ZNF804A: variants seen among roughly 807,000 people sequenced by gnomAD.
ZNF804A encodes the protein zinc finger protein 804A.
Under a neutral mutation model 16.5 loss-of-function variants are expected in ZNF804A, and 2 were observed. That is an observed-to-expected ratio of 0.12 (90% CI 0.05 to 0.38). The LOEUF is 0.38. Ranked by LOEUF, ZNF804A falls within the 10% of genes least tolerant of loss-of-function variation. The pLI is 0.99. For missense variants in ZNF804A, 1,473 were observed against 1,390.7 expected, an observed-to-expected ratio of 1.06 and a Z score of -0.94; for synonymous variants, 534 against 489.6, an observed-to-expected ratio of 1.09 and a Z score of -1.20.
chr2:184,929,112 C>T (rs187665044), intron 2 of ZNF804A, among the ~76,000 whole-genome samples: 3 of 152,268 alleles, frequency 2.0e-5, no homozygotes, highest in South Asian at 2.1e-4. Flanking sequence ...ATTCTACCAT[C>T]TAGCCTCTCC....
intron 3 of ZNF804A, among the ~76,000 whole-genome samples, chr2:184,934,011 C>T (rs1404442833): frequency 2.6e-5 from 4 of 152,018 alleles, no homozygotes; most frequent in Admixed American, 2.0e-4. Context: ...TTGAAAGCTA[C>T]CCCATTTCTT....
At chr2:184,847,169 G>C (rs1695532614) in intron 1 of ZNF804A, among the ~76,000 whole-genome samples, 2 of 152,054 alleles carry the variant, frequency 1.3e-5, no homozygotes, top group African/African-American at 4.8e-5. Context: ...ACTCAATTTA[G>C]CTCGCCAGAG....
At chr2:184,746,062 A>G (rs1693785651) in intron 1 of ZNF804A, among the ~76,000 whole-genome samples, 1 of 151,354 alleles carries the variant, frequency 6.6e-6, no homozygotes, top group Non-Finnish European at 1.5e-5. Context: ...TTTTTTTCAC[A>G]TTTTTCCAAT....
At chr2:184,851,843 A>C (rs1360288635) in intron 1 of ZNF804A, among the ~76,000 whole-genome samples, 1 of 151,612 alleles carries the variant, frequency 6.6e-6, no homozygotes, top group Admixed American at 6.6e-5. Flanking sequence ...ACTTGTCAAC[A>C]CTTGCTATCT....
At chr2:184,616,440 A>G (rs1691320506) in intron 1 of ZNF804A, among the ~76,000 whole-genome samples, 2 of 152,182 alleles carry the variant, frequency 1.3e-5, no homozygotes, top group Admixed American at 1.3e-4. Context: ...GCATTGTTGT[A>G]AAGATTAAAT....
intron 2 of ZNF804A, among the ~76,000 whole-genome samples, chr2:184,876,353 G>A (rs750465179): frequency 4.6e-5 from 7 of 151,776 alleles, no homozygotes; most frequent in South Asian, 2.1e-4. Flanking sequence ...AAGGTAATGC[G>A]CAATACAATC....
chr2:184,746,010 AT>A (rs1303945811), intron 1 of ZNF804A, among the ~76,000 whole-genome samples: 1 of 151,540 alleles, frequency 6.6e-6, no homozygotes, highest in Non-Finnish European at 1.5e-5. Flanking sequence ...ATTAAGCTTT[AT>A]TTTTTCCCCT....
chr2:184,615,743 C>T (rs1310517678), intron 1 of ZNF804A, among the ~76,000 whole-genome samples: 1 of 152,040 alleles, frequency 6.6e-6, no homozygotes, highest in Non-Finnish European at 1.5e-5. Flanking sequence ...CACTTTCTGG[C>T]AAGTTAAGTT....
At chr2:184,806,042 T>C (rs1694796295) in intron 1 of ZNF804A, among the ~76,000 whole-genome samples, 1 of 151,950 alleles carries the variant, frequency 6.6e-6, no homozygotes, top group South Asian at 2.1e-4. Flanking sequence ...GACAAATTTA[T>C]ATCAAAGGAA....
intron 2 of ZNF804A, among the ~76,000 whole-genome samples, chr2:184,922,275 CT>C (rs1429285666): frequency 2.0e-5 from 3 of 152,012 alleles, no homozygotes; most frequent in Non-Finnish European, 4.4e-5. Context: ...TATTGCTTAT[CT>C]TTTGGATAAA....
intron 2 of ZNF804A, among the ~76,000 whole-genome samples, chr2:184,871,859 C>G (rs548105439): frequency 6.6e-6 from 1 of 151,970 alleles, no homozygotes; most frequent in African/African-American, 2.4e-5. Flanking sequence ...TCAAGAATTA[C>G]TCAGACTGTA....
chr2:184,671,900 T>C (rs753008660), intron 1 of ZNF804A, among the ~76,000 whole-genome samples: 4 of 152,234 alleles, frequency 2.6e-5, no homozygotes, highest in Non-Finnish European at 5.9e-5. Context: ...TCTAAAATAA[T>C]GCATCATTCA....
chr2:184,690,319 C>A (rs147814199), intron 1 of ZNF804A, among the ~76,000 whole-genome samples: 205 of 152,034 alleles, frequency 1.3e-3, no homozygotes, highest in African/African-American at 4.7e-3. Flanking sequence ...TAGCACCATG[C>A]ATTTTGCAAA....
At chr2:184,603,487 A>C (rs1180227531) in intron 1 of ZNF804A, among the ~76,000 whole-genome samples, 2 of 152,280 alleles carry the variant, frequency 1.3e-5, no homozygotes, top group Non-Finnish European at 2.9e-5. Flanking sequence ...TCATTATTGA[A>C]TATAACTTAT....
At chr2:184,640,743 T>C (rs1691782361) in intron 1 of ZNF804A, among the ~76,000 whole-genome samples, 1 of 152,174 alleles carries the variant, frequency 6.6e-6, no homozygotes. Context: ...CAAATGATTA[T>C]CACAATATAC....
chr2:184,712,025 A>T (rs748423103), intron 1 of ZNF804A, among the ~76,000 whole-genome samples: 6 of 151,674 alleles, frequency 4.0e-5, no homozygotes, highest in Non-Finnish European at 5.9e-5. Context: ...TTTGATAGGG[A>T]TTTCATTGAA....
chr2:184,812,257 T>G lies in ZNF804A; in HGVS notation c.112-54112T>G, dbSNP rs374675153. Among the ~76,000 whole-genome samples the G allele has an allele frequency of 4.6e-5, 7 of 152,330 alleles. No homozygotes were observed. The South Asian group carries it at 1.2e-3, about 27-fold the overall frequency. The stretch of plus-strand genomic sequence containing the variant: ...TCTTTTCTAGTCCTGCTGTCTCTAG[T>G]TCGCCAACCACACATTGTCTGAGTT... On this transcript the variant is annotated intron_variant, in intron 1 of 3. Transcript: ENST00000302277.
Position 184,936,441 on chromosome 2 carries a change from A to G in ZNF804A, c.1045A>G (p.Ser349Gly). Residue 349 changes from serine to glycine, a missense_variant, in exon 4 of 4, where the codon AGT (serine) becomes GGT (glycine). Transcript: ENST00000302277. ...SVVINEDIPV[S>G]GNSFELLGNK... ...TGTTATTAATGAAGACATACCTGTT[A>G]GTGGTAACAGTTTTGAGTTGTTAGG... 6.2e-7 allele frequency: 1 copy of G among 1,614,018 alleles called. No homozygotes were observed. The highest frequency in any genetic ancestry group is 1.7e-5 in the Admixed American group (1 of 59,972).
At chr2:184,701,119 C>T (rs1419036219) in intron 1 of ZNF804A, among the ~76,000 whole-genome samples, 2 of 151,752 alleles carry the variant, frequency 1.3e-5, no homozygotes, top group African/African-American at 2.4e-5. Context: ...ATAAATTGTA[C>T]TTAAAAAAAG....
Sources: allele counts gnomAD v4.1 joint callset (sites outside exome capture counted in the v4.1 genomes callset), GRCh38; gene constraint gnomAD v4.1.1; transcripts MANE v1.5; gene names NCBI Gene and HGNC (gene_info 2026-07-23, HGNC 2026-07-21).